The following TENM3 variants were observed in gnomAD, a reference collection of about 807,000 sequenced individuals.
The protein encoded by TENM3 is teneurin transmembrane protein 3, also known as teneurin-3.
TENM3 carries 63 observed loss-of-function variants against 255.1 expected under a neutral mutation model. That is an observed-to-expected ratio of 0.25 (90% CI 0.20 to 0.30). The LOEUF is 0.30. Ranked by LOEUF, TENM3 falls within the 10% of genes least tolerant of loss-of-function variation. The probability of loss-of-function intolerance (pLI) is 1.00; values close to 1 mark genes in which losing one functional copy is unlikely to be tolerated. For missense variants in TENM3, 2,929 were observed against 3,461.1 expected (o/e 0.85, Z 3.86); for synonymous variants, 1,306 against 1,322.3 (o/e 0.99, Z 0.27).
chr4:182,735,404 C>A (rs1761086111), intron 16 of TENM3, among the ~76,000 whole-genome samples: 2 of 152,164 alleles, frequency 1.3e-5, no homozygotes, highest in Non-Finnish European at 2.9e-5. Flanking sequence ...TATATTGAAG[C>A]TGACAGCTCC....
the TENM3 span, among the ~76,000 whole-genome samples, chr4:181,638,304 C>T: frequency 6.6e-6 from 1 of 152,176 alleles, no homozygotes; most frequent in Non-Finnish European, 1.5e-5. Context: ...TTTCCTCCAG[C>T]GTAAGCACTG....
At chr4:182,057,435 GTC>G in the TENM3 span, among the ~76,000 whole-genome samples, 1 of 133,196 alleles carries the variant, frequency 7.5e-6, no homozygotes, top group South Asian at 2.4e-4. Flanking sequence ...AAGAGACAAA[GTC>G]TCTTGCTCCA....
intron 12 of TENM3, among the ~76,000 whole-genome samples, chr4:182,696,348 T>G (rs1757407711): frequency 6.6e-6 from 1 of 152,170 alleles, no homozygotes; most frequent in Non-Finnish European, 1.5e-5. Context: ...AAAATCGTTG[T>G]CATATAAAGA....
intron 3 of TENM3, among the ~76,000 whole-genome samples, chr4:182,371,141 G>A (rs544462583): frequency 2.0e-5 from 3 of 151,314 alleles, no homozygotes; most frequent in Admixed American, 1.3e-4. Context: ...CTACCTTTTA[G>A]CCCTAGTCAT....
At chr4:181,985,083 T>TA in the TENM3 span, among the ~76,000 whole-genome samples, 4 of 152,172 alleles carry the variant, frequency 2.6e-5, no homozygotes, top group South Asian at 8.3e-4. Context: ...GTGTCCTGAC[T>TA]CTTCACCTGA....
At chr4:182,125,888 A>G in the TENM3 span, among the ~76,000 whole-genome samples, 1 of 152,196 alleles carries the variant, frequency 6.6e-6, no homozygotes, top group Admixed American at 6.5e-5. Flanking sequence ...GCAAAATATG[A>G]CAATGCAATT....
At chr4:181,607,724 G>A in the TENM3 span, among the ~76,000 whole-genome samples, 4 of 152,192 alleles carry the variant, frequency 2.6e-5, no homozygotes, top group African/African-American at 4.8e-5. Flanking sequence ...TTAAATAGCC[G>A]CCTGTGGTCA....
At chr4:181,487,548 C>T in the TENM3 span, among the ~76,000 whole-genome samples, 22 of 152,088 alleles carry the variant, frequency 1.4e-4, no homozygotes, top group Non-Finnish European at 2.1e-4. Flanking sequence ...GCCTTTTTTA[C>T]GAGGGTAATA....
chr4:181,841,191 T>C, the TENM3 span, among the ~76,000 whole-genome samples: 24 of 152,146 alleles, frequency 1.6e-4, no homozygotes, highest in African/African-American at 4.8e-4. Context: ...TTACCTTCTA[T>C]GATTTGATCC....
chr4:182,389,746 C>A (rs1975808), intron 3 of TENM3, among the ~76,000 whole-genome samples: 1 of 146,360 alleles, frequency 6.8e-6, no homozygotes, highest in Non-Finnish European at 1.5e-5. Flanking sequence ...AGTGCAGTGG[C>A]GCGATCTCGG....
the TENM3 span, among the ~76,000 whole-genome samples, chr4:181,867,377 C>T: frequency 6.6e-6 from 1 of 152,148 alleles, no homozygotes; most frequent in African/African-American, 2.4e-5. Flanking sequence ...AGACCATACT[C>T]ATCCTCAGTC....
the TENM3 span, among the ~76,000 whole-genome samples, chr4:181,508,762 T>C: frequency 3.3e-5 from 5 of 152,152 alleles, no homozygotes; most frequent in East Asian, 3.9e-4. Context: ...TCTATTTTCA[T>C]GTCATCCCAC....
chr4:182,445,154 A>C (rs900594041), intron 3 of TENM3, among the ~76,000 whole-genome samples: 2 of 152,208 alleles, frequency 1.3e-5, no homozygotes, highest in African/African-American at 4.8e-5. Flanking sequence ...AAATATTTAG[A>C]GAAATGGTTA....
chr4:181,482,740 T>C, the TENM3 span, among the ~76,000 whole-genome samples: 1 of 152,168 alleles, frequency 6.6e-6, no homozygotes, highest in South Asian at 2.1e-4. Flanking sequence ...CCACTGCATA[T>C]GTTTTGTCTC....
chr4:181,916,661 G>A, the TENM3 span, among the ~76,000 whole-genome samples: 3 of 152,104 alleles, frequency 2.0e-5, no homozygotes, highest in Non-Finnish European at 4.4e-5. Flanking sequence ...GGCCGATCAC[G>A]AGGTCAGGAG....
At chr4:181,753,470 A>G in the TENM3 span, among the ~76,000 whole-genome samples, 1 of 152,006 alleles carries the variant, frequency 6.6e-6, no homozygotes, top group Admixed American at 6.6e-5. Context: ...AGATCTGGCT[A>G]GTGGTCTAGT....
chr4:181,923,093 T>C, the TENM3 span, among the ~76,000 whole-genome samples: 1 of 152,234 alleles, frequency 6.6e-6, no homozygotes, highest in African/African-American at 2.4e-5. Flanking sequence ...CACTGTGGTC[T>C]GAGAGACAGT....
chr4:182,650,331 C>G (rs895153108), intron 5 of TENM3, among the ~76,000 whole-genome samples: 1 of 150,250 alleles, frequency 6.7e-6, no homozygotes, highest in African/African-American at 2.4e-5. Context: ...TGTCTGCACA[C>G]CCTACACTGG....
chr4:182,374,981 C>A (rs1407967234), intron 3 of TENM3, among the ~76,000 whole-genome samples: 2 of 152,002 alleles, frequency 1.3e-5, no homozygotes, highest in African/African-American at 2.4e-5. Flanking sequence ...TGTGAATAAA[C>A]CATGAGTTTT....
Sources: gnomAD v4.1 joint callset for allele counts (sites outside exome capture counted in the v4.1 genomes callset) on GRCh38, gnomAD v4.1.1 for gene constraint, MANE v1.5 for transcripts, NCBI Gene and HGNC (gene_info 2026-07-23, HGNC 2026-07-21) for gene names.